PDZRN4: variants seen among roughly 807,000 people sequenced by gnomAD.
PDZRN4 encodes the protein PDZ domain containing ring finger 4.
Under a neutral mutation model 99.0 loss-of-function variants are expected in PDZRN4, and 70 were observed. That is an observed-to-expected ratio of 0.71 (90% CI 0.58 to 0.86). The LOEUF (loss-of-function observed/expected upper bound fraction) is 0.86. Among genes scored for constraint, PDZRN4 ranks in the 40% least tolerant of loss-of-function variants. PDZRN4 has a pLI of 0.00. For synonymous variants in PDZRN4, 551 were observed against 501.6 expected (o/e 1.10, Z -1.32); for missense variants, 1,474 against 1,331.2 (o/e 1.11, Z -1.67).
intron 3 of PDZRN4, among the ~76,000 whole-genome samples, chr12:41,352,365 T>C (rs1403484607): frequency 6.6e-6 from 1 of 152,142 alleles, no homozygotes; most frequent in African/African-American, 2.4e-5. Flanking sequence ...CAGATGCTAA[T>C]AGTATGAGCC....
chr12:41,341,365 G>A (rs1024482742), intron 3 of PDZRN4, among the ~76,000 whole-genome samples: 1 of 151,508 alleles, frequency 6.6e-6, no homozygotes, highest in Non-Finnish European at 1.5e-5. Flanking sequence ...GAGCAATTAG[G>A]CAAAAAAAGA....
At chr12:41,397,019 A>G (rs1464334980) in intron 3 of PDZRN4, among the ~76,000 whole-genome samples, 1 of 152,150 alleles carries the variant, frequency 6.6e-6, no homozygotes, top group Non-Finnish European at 1.5e-5. Flanking sequence ...AAAATTCCCA[A>G]ATACAGTTTT....
At chr12:41,313,451 C>T (rs763919547) in intron 3 of PDZRN4, among the ~76,000 whole-genome samples, 3 of 152,238 alleles carry the variant, frequency 2.0e-5, no homozygotes, top group African/African-American at 4.8e-5. Context: ...TTATCTCCAG[C>T]GGACTGGTAC....
chr12:41,215,499 T>C (rs573986999), intron 3 of PDZRN4, among the ~76,000 whole-genome samples: 1 of 152,102 alleles, frequency 6.6e-6, no homozygotes, highest in South Asian at 2.1e-4. Flanking sequence ...TGTTGAAAGT[T>C]TATAATAAAC....
intron 3 of PDZRN4, among the ~76,000 whole-genome samples, chr12:41,472,724 G>C (rs939180877): frequency 3.3e-5 from 5 of 152,074 alleles, no homozygotes; most frequent in African/African-American, 1.2e-4. Context: ...TGGTTTTCTC[G>C]ATAAACATAT....
intron 3 of PDZRN4, among the ~76,000 whole-genome samples, chr12:41,343,841 G>C (rs541806222): frequency 1.4e-4 from 22 of 151,754 alleles, no homozygotes; most frequent in Non-Finnish European, 3.1e-4. Context: ...ACATCAAATT[G>C]TACCCTATAA....
chr12:41,376,602 A>T (rs1952082738), intron 3 of PDZRN4, among the ~76,000 whole-genome samples: 1 of 152,106 alleles, frequency 6.6e-6, no homozygotes, highest in Non-Finnish European at 1.5e-5. Flanking sequence ...ATTGAGTTGT[A>T]CGAGTTTCTA....
At chr12:41,245,748 T>G (rs1379831812) in intron 3 of PDZRN4, among the ~76,000 whole-genome samples, 3 of 151,688 alleles carry the variant, frequency 2.0e-5, no homozygotes, top group African/African-American at 7.3e-5. Flanking sequence ...TGAGGAGGAG[T>G]CTTTGCAGAG....
chr12:41,560,177 T>G lies in PDZRN4; in HGVS notation c.1366-3371T>G, dbSNP rs568736937. 2.6e-5 allele frequency among the ~76,000 whole-genome samples: 4 copies of G among 152,322 alleles called. No homozygotes were observed. The East Asian group carries it at 7.7e-4, about 29-fold the overall frequency. On this transcript the variant is annotated intron_variant, in intron 7 of 9. Coordinates refer to ENST00000402685, the MANE Select transcript of PDZRN4 (RefSeq NM_001164595.2). ...TTGATCACCTCCTTTGTCTCCATAC[T>G]AAAATATAAACACATTTGAAATAAA...
chr12:41,311,029 T>C (rs569900241), intron 3 of PDZRN4, among the ~76,000 whole-genome samples: 1 of 152,198 alleles, frequency 6.6e-6, no homozygotes, highest in South Asian at 2.1e-4. Flanking sequence ...TAACAACTAT[T>C]AAAAAATCTT....
At chr12:41,298,831 G>C (rs1228686496) in intron 3 of PDZRN4, among the ~76,000 whole-genome samples, 2 of 152,070 alleles carry the variant, frequency 1.3e-5, no homozygotes, top group South Asian at 4.2e-4. Context: ...GATTTGGGGA[G>C]AATATTCTTT....
At chr12:41,456,970 G>A (rs969333541) in intron 3 of PDZRN4, among the ~76,000 whole-genome samples, 2 of 152,184 alleles carry the variant, frequency 1.3e-5, no homozygotes, top group Non-Finnish European at 2.9e-5. Flanking sequence ...GCCATAGTGT[G>A]TGGGCAAAGG....
chr12:41,374,854 A>T (rs1952068116), intron 3 of PDZRN4, among the ~76,000 whole-genome samples: 1 of 152,186 alleles, frequency 6.6e-6, no homozygotes, highest in African/African-American at 2.4e-5. Flanking sequence ...TTCCCCTAAG[A>T]ATGGGCTAGA....
At chr12:41,314,764 T>A (rs1254529326) in intron 3 of PDZRN4, among the ~76,000 whole-genome samples, 1 of 152,164 alleles carries the variant, frequency 6.6e-6, no homozygotes, top group Admixed American at 6.6e-5. Context: ...CTTTTGTTTT[T>A]CCCATTCAGA....
At chr12:41,533,019 G>A (rs1938686756) in intron 5 of PDZRN4, among the ~76,000 whole-genome samples, 1 of 151,938 alleles carries the variant, frequency 6.6e-6, no homozygotes, top group Non-Finnish European at 1.5e-5. Flanking sequence ...ATGCTAAAGT[G>A]TATTGCCTAA....
At chr12:41,355,258 G>T (rs758860246) in intron 3 of PDZRN4, among the ~76,000 whole-genome samples, 3 of 152,064 alleles carry the variant, frequency 2.0e-5, no homozygotes, top group Admixed American at 2.0e-4. Context: ...GAGAACAGTT[G>T]CTACTTTCCT....
At chr12:41,506,378 C>G (rs1938205073) in intron 3 of PDZRN4, 78 bp from the exon 4 acceptor site, 2 of 1,371,300 alleles carry the variant, frequency 1.5e-6, no homozygotes, top group South Asian at 1.4e-5. Flanking sequence ...AAACCTTTCT[C>G]TCTGTCTTTT....
intron 3 of PDZRN4, among the ~76,000 whole-genome samples, chr12:41,484,053 C>G (rs878898625): frequency 1.3e-5 from 2 of 152,058 alleles, no homozygotes; most frequent in Non-Finnish European, 1.5e-5. Context: ...GTGTAAGATT[C>G]TACTCCTCCT....
Position 41,188,850 on chromosome 12 carries a change from G to C in PDZRN4, c.395G>C (p.Gly132Ala). ...LGGGEVPARG[G>A]CGPTPRAGRG... ...GGTGGTGAGGTGCCCGCGCGGGGGG[G>C]CTGCGGTCCGACACCCAGGGCTGGC... The change falls in exon 1 of 10, where the codon GGC (glycine) becomes GCC (alanine). Residue 132 changes from glycine to alanine, a missense_variant. Gly to Ala is a moderately conservative substitution (Grantham distance 60, BLOSUM62 0). Transcript: ENST00000402685. The C allele has an allele frequency of 1.6e-6, 2 of 1,258,774 alleles. No homozygotes were observed. The highest frequency in any genetic ancestry group is 2.7e-5 in the South Asian group (1 of 37,024). 78.0% of individuals were successfully genotyped at this position (1,258,774 alleles called of 1,614,324 possible). A position where few individuals can be genotyped will look rare whatever the true frequency, so the allele number is the denominator to read the frequency against.
Sources: gnomAD v4.1 joint callset for allele counts (sites outside exome capture counted in the v4.1 genomes callset) on GRCh38, gnomAD v4.1.1 for gene constraint, MANE v1.5 for transcripts, NCBI Gene and HGNC (gene_info 2026-07-23, HGNC 2026-07-21) for gene names.